The following SGCZ variants were observed in gnomAD, a reference collection of about 807,000 sequenced individuals.
The protein encoded by SGCZ is sarcoglycan zeta, also known as zeta-sarcoglycan.
A neutral mutation model predicts 41.3 loss-of-function variants in SGCZ; 40 were observed. That is an observed-to-expected ratio of 0.97 (90% CI 0.75 to 1.26). The LOEUF (loss-of-function observed/expected upper bound fraction) is 1.26. SGCZ is among the 50% of genes most tolerant of loss of function. The pLI is 0.00. For synonymous variants in SGCZ, 206 were observed against 137.5 expected, an observed-to-expected ratio of 1.50 and a Z score of -3.49; for missense variants, 552 against 369.8, an observed-to-expected ratio of 1.49 and a Z score of -4.04.
At chr8:14,886,098 T>C (rs967696606) in intron 1 of SGCZ, among the ~76,000 whole-genome samples, 2 of 147,770 alleles carry the variant, frequency 1.4e-5, no homozygotes, top group Non-Finnish European at 3.0e-5. Flanking sequence ...ATTACAAAGT[T>C]TGACCACTTA....
At chr8:14,479,656 A>G (rs1801466819) in intron 2 of SGCZ, among the ~76,000 whole-genome samples, 1 of 151,498 alleles carries the variant, frequency 6.6e-6, no homozygotes, top group Admixed American at 6.6e-5. Flanking sequence ...AAAACAACAA[A>G]ATGGAGTTAA....
chr8:14,601,272 T>G (rs571907306), intron 1 of SGCZ, among the ~76,000 whole-genome samples: 1 of 152,210 alleles, frequency 6.6e-6, no homozygotes, highest in East Asian at 1.9e-4. Context: ...TTGTTTTTAT[T>G]TCTTTCCTAG....
intron 3 of SGCZ, among the ~76,000 whole-genome samples, chr8:14,276,716 T>C (rs1480984787): frequency 6.6e-6 from 1 of 152,140 alleles, no homozygotes; most frequent in African/African-American, 2.4e-5. Context: ...AAAATTCAAA[T>C]TTGATGATTT....
At chr8:14,512,588 T>C (rs1351502738) in intron 2 of SGCZ, among the ~76,000 whole-genome samples, 1 of 151,666 alleles carries the variant, frequency 6.6e-6, no homozygotes, top group Non-Finnish European at 1.5e-5. Context: ...GCCTCCAGAG[T>C]AACTAGGGCT....
intron 2 of SGCZ, among the ~76,000 whole-genome samples, chr8:14,336,152 T>G (rs1802498050): frequency 6.6e-6 from 1 of 152,096 alleles, no homozygotes; most frequent in Non-Finnish European, 1.5e-5. Context: ...CTCTTATAAG[T>G]GATAACATAT....
At chr8:14,126,329 G>A (rs537077476) in intron 5 of SGCZ, among the ~76,000 whole-genome samples, 7 of 152,194 alleles carry the variant, frequency 4.6e-5, no homozygotes, top group Non-Finnish European at 8.8e-5. Context: ...GACATGAACA[G>A]ACACTTCTCA....
intron 1 of SGCZ, among the ~76,000 whole-genome samples, chr8:14,800,119 C>T (rs1230876185): frequency 2.0e-5 from 3 of 151,504 alleles, no homozygotes; most frequent in Admixed American, 6.6e-5. Flanking sequence ...GAACCAGCAT[C>T]TACACTTTTT....
intron 7 of SGCZ, among the ~76,000 whole-genome samples, chr8:14,100,468 G>T (rs546015423): frequency 6.7e-6 from 1 of 149,372 alleles, no homozygotes; most frequent in Non-Finnish European, 1.5e-5. Flanking sequence ...GTTAGACAAA[G>T]TATTGTAGTC....
At chr8:15,038,288 C>G (rs1803941064) in intron 1 of SGCZ, among the ~76,000 whole-genome samples, 1 of 151,992 alleles carries the variant, frequency 6.6e-6, no homozygotes, top group East Asian at 1.9e-4. Flanking sequence ...ATAGAGAGCC[C>G]AGAAATAAAT....
chr8:14,673,992 C>G (rs187042417), intron 1 of SGCZ, among the ~76,000 whole-genome samples: 5 of 152,222 alleles, frequency 3.3e-5, no homozygotes, highest in Admixed American at 1.3e-4. Flanking sequence ...GTGTCACACA[C>G]TTTTAAATGC....
At chr8:14,508,343 C>T (rs1183105508) in intron 2 of SGCZ, among the ~76,000 whole-genome samples, 2 of 151,980 alleles carry the variant, frequency 1.3e-5, no homozygotes, top group Non-Finnish European at 2.9e-5. Context: ...AAATAGAAAA[C>T]CCCTATTAAA....
At chr8:15,126,289 A>T (rs1807677513) in intron 1 of SGCZ, among the ~76,000 whole-genome samples, 1 of 152,240 alleles carries the variant, frequency 6.6e-6, no homozygotes, top group Admixed American at 6.5e-5. Context: ...TATACTATTT[A>T]TATCTACAGA....
rs540409073 is a variant in SGCZ at position 14,641,097 on chromosome 8, T to A, written c.40-86171A>T. ...CAGTGGTAATAATCAAACTAACACT[T>A]CCAAAAAGATTAGAGGGGGTAGGGA... On this transcript the variant is annotated intron_variant, in intron 1 of 7. Transcript: ENST00000382080. 6.1e-4 allele frequency among the ~76,000 whole-genome samples: 92 copies of A among 151,616 alleles called. 3 individuals carry two copies. The South Asian group carries it at 0.019, about 31-fold the overall frequency.
chr8:14,944,620 A>G (rs56742353), intron 1 of SGCZ, among the ~76,000 whole-genome samples: 33,416 of 152,140 alleles, frequency 0.22, 4,585 homozygotes, highest in East Asian at 0.36. Flanking sequence ...GTCAGCAAGG[A>G]TAAGTTATTT....
chr8:14,737,131 T>G (rs536975426), intron 1 of SGCZ, among the ~76,000 whole-genome samples: 1 of 90,288 alleles, frequency 1.1e-5, no homozygotes, highest in East Asian at 2.8e-4. Context: ...ATCTATATAC[T>G]GGATATATAA....
At chr8:14,833,437 T>C (rs866095887) in intron 1 of SGCZ, among the ~76,000 whole-genome samples, 3 of 152,190 alleles carry the variant, frequency 2.0e-5, no homozygotes, top group African/African-American at 7.2e-5. Context: ...GTGAGGTATT[T>C]TAGGTGAACT....
At chr8:14,913,294 T>A (rs1799331266) in intron 1 of SGCZ, among the ~76,000 whole-genome samples, 1 of 152,072 alleles carries the variant, frequency 6.6e-6, no homozygotes, top group South Asian at 2.1e-4. Flanking sequence ...AAAATATGTA[T>A]CTGTGTACTG....
chr8:14,386,909 G>C (rs1351558458), intron 2 of SGCZ, among the ~76,000 whole-genome samples: 1 of 152,120 alleles, frequency 6.6e-6, no homozygotes, highest in Non-Finnish European at 1.5e-5. Flanking sequence ...CTTGTATTTT[G>C]AATTAAGTTC....
intron 1 of SGCZ, among the ~76,000 whole-genome samples, chr8:14,704,667 T>G (rs1254078501): frequency 6.6e-6 from 1 of 151,942 alleles, no homozygotes; most frequent in Non-Finnish European, 1.5e-5. Context: ...TACAGAGAAT[T>G]GTGGTGTAAC....
Sources: allele counts gnomAD v4.1 joint callset (sites outside exome capture counted in the v4.1 genomes callset), GRCh38; gene constraint gnomAD v4.1.1; transcripts MANE v1.5; gene names NCBI Gene and HGNC (gene_info 2026-07-23, HGNC 2026-07-21).